The following AGTPBP1 variants were observed in gnomAD, a reference collection of about 807,000 sequenced individuals.
AGTPBP1 encodes cytosolic carboxypeptidase 1.
AGTPBP1 carries 70 observed loss-of-function variants against 143.9 expected under a neutral mutation model. The ratio of observed to expected loss-of-function variants is 0.49; its 90% confidence interval spans 0.40 to 0.59. The LOEUF (loss-of-function observed/expected upper bound fraction) is 0.59, where lower values mean the gene tolerates loss of function less well. Among genes scored for constraint, AGTPBP1 ranks in the 20% least tolerant of loss-of-function variants. AGTPBP1 has a pLI of 0.00. For synonymous variants in AGTPBP1, 463 were observed against 500.2 expected (o/e 0.93, Z 0.99); for missense variants, 1,229 against 1,464.5 (o/e 0.84, Z 2.62).
chr9:85,560,783 G>A lies in AGTPBP1; in HGVS notation c.3504-13497C>T, dbSNP rs1236943869. Among the ~76,000 whole-genome samples the A allele has an allele frequency of 2.0e-5, 3 of 152,136 alleles. No individual in the cohort carries two copies. The East Asian group carries it at 5.8e-4, about 29-fold the overall frequency. ...GGTTAGAAAAAACATCCAGAAGAAAGCACAGAGAGACAAAAGGATAGAAAT... is the reference window on the plus strand; with the variant it reads ...GGTTAGAAAAAACATCCAGAAGAAAACACAGAGAGACAAAAGGATAGAAAT... On this transcript the variant is annotated intron_variant, in intron 25 of 25. Coordinates refer to ENST00000357081, the MANE Select transcript of AGTPBP1 (RefSeq NM_001330701.2).
the AGTPBP1 span, among the ~76,000 whole-genome samples, chr9:85,762,927 C>G: frequency 6.6e-6 from 1 of 150,594 alleles, no homozygotes; most frequent in African/African-American, 2.4e-5. Context: ...CAAAACATAT[C>G]ACTGTGAAGG....
chr9:85,615,235 T>C (rs952089607), intron 17 of AGTPBP1, among the ~76,000 whole-genome samples: 1 of 152,076 alleles, frequency 6.6e-6, no homozygotes, highest in Non-Finnish European at 1.5e-5. Flanking sequence ...GCTGAACTAA[T>C]TTAATACTTC....
the AGTPBP1 span, among the ~76,000 whole-genome samples, chr9:85,763,839 C>T: frequency 6.6e-6 from 1 of 152,050 alleles, no homozygotes; most frequent in Non-Finnish European, 1.5e-5. Flanking sequence ...AAATTATAAA[C>T]CTTATGATAG....
At chr9:85,721,699 T>G (rs907361716) in intron 1 of AGTPBP1, among the ~76,000 whole-genome samples, 1 of 152,212 alleles carries the variant, frequency 6.6e-6, no homozygotes, top group Non-Finnish European at 1.5e-5. Context: ...ATGTGTGAAT[T>G]TAATCCTGTC....
chr9:85,740,467 C>G (rs552473815), intron 1 of AGTPBP1, among the ~76,000 whole-genome samples: 3 of 152,322 alleles, frequency 2.0e-5, no homozygotes, highest in Admixed American at 2.0e-4. Context: ...ATAGGAAATA[C>G]AGATCTTTCA....
At chr9:85,789,785 T>C in the AGTPBP1 span, among the ~76,000 whole-genome samples, 1 of 152,168 alleles carries the variant, frequency 6.6e-6, no homozygotes, top group Non-Finnish European at 1.5e-5. Flanking sequence ...GGAATGCTTA[T>C]TTGAGACTAA....
chr9:85,794,535 G>A, the AGTPBP1 span, among the ~76,000 whole-genome samples: 2 of 152,186 alleles, frequency 1.3e-5, no homozygotes, highest in Non-Finnish European at 2.9e-5. Flanking sequence ...ATGACAGACT[G>A]TACCACACTG....
rs1174621491 is a variant in AGTPBP1 at position 85,589,547 on chromosome 9, A to G, written c.2703T>C (p.Tyr901=). Residue 901 remains tyrosine, a synonymous_variant, in exon 20 of 26, where the codon TAT becomes TAC. Coordinates refer to ENST00000357081, the MANE Select transcript of AGTPBP1 (RefSeq NM_001330701.2). ...TITAMPESNY[Y]EHICHFRNRP... ...ACTTACTGAAATGGCAGATATGTTC[A>G]TAATAATTAGACTCTGGCATTGCTG... is the stretch of plus-strand genomic sequence containing the variant. The G allele has an allele frequency of 1.9e-6, 3 of 1,609,092 alleles. No individual in the cohort carries two copies. The highest frequency in any genetic ancestry group is 2.5e-6 in the Non-Finnish European group (3 of 1,178,428).
At chr9:85,641,504 T>C (rs1455696854) in intron 13 of AGTPBP1, among the ~76,000 whole-genome samples, 2 of 152,070 alleles carry the variant, frequency 1.3e-5, no homozygotes, top group Non-Finnish European at 2.9e-5. Context: ...GCCTTCCTTC[T>C]ATTACCCCGA....
chr9:85,592,414 CAATT>C, intron 19 of AGTPBP1, 142 bp downstream of exon 19: 1 of 525,426 alleles, frequency 1.9e-6, no homozygotes, highest in Non-Finnish European at 3.1e-6. Context: ...TAACTAAACT[CAATT>C]AGTATAATTA....
chr9:85,561,526 A>T (rs967818873), intron 25 of AGTPBP1, among the ~76,000 whole-genome samples: 2 of 152,130 alleles, frequency 1.3e-5, no homozygotes, highest in Non-Finnish European at 2.9e-5. Context: ...TGTCACCTAG[A>T]TTCTCCAGCC....
At chr9:85,705,207 C>G (rs534561598) in intron 2 of AGTPBP1, among the ~76,000 whole-genome samples, 3 of 143,784 alleles carry the variant, frequency 2.1e-5, no homozygotes, top group Non-Finnish European at 4.5e-5. Context: ...ACTAAAGGCA[C>G]AAGAAACATT....
At chr9:85,791,054 T>A in the AGTPBP1 span, among the ~76,000 whole-genome samples, 1 of 152,184 alleles carries the variant, frequency 6.6e-6, no homozygotes, top group Non-Finnish European at 1.5e-5. Flanking sequence ...AAGGTATAAT[T>A]TTTCAAGTCC....
chr9:85,580,899 T>C (rs760806039), intron 23 of AGTPBP1, among the ~76,000 whole-genome samples: 2 of 152,334 alleles, frequency 1.3e-5, no homozygotes, highest in African/African-American at 4.8e-5. Context: ...AAAGTTGCTA[T>C]GTAGTGTTTA....
At chr9:85,720,465 T>C (rs1838029762) in intron 1 of AGTPBP1, among the ~76,000 whole-genome samples, 4 of 152,238 alleles carry the variant, frequency 2.6e-5, no homozygotes, top group Admixed American at 2.6e-4. Flanking sequence ...ATTTATAGTA[T>C]TCTCTGATGG....
intron 17 of AGTPBP1, among the ~76,000 whole-genome samples, chr9:85,610,763 T>C (rs1392435407): frequency 1.3e-5 from 2 of 152,218 alleles, no homozygotes; most frequent in African/African-American, 4.8e-5. Context: ...GCACATACTT[T>C]CTTTGGTCAT....
intron 20 of AGTPBP1, 37 bp downstream of exon 20, chr9:85,589,491 G>A: frequency 6.4e-7 from 1 of 1,570,870 alleles, no homozygotes; most frequent in Non-Finnish European, 8.6e-7. Context: ...AAGTAGGTGA[G>A]AATGACTGCT....
intron 13 of AGTPBP1, among the ~76,000 whole-genome samples, chr9:85,642,133 A>T (rs1832516244): frequency 6.6e-6 from 1 of 152,180 alleles, no homozygotes; most frequent in Non-Finnish European, 1.5e-5. Flanking sequence ...AATCTTAGAG[A>T]TTATCTAATT....
intron 25 of AGTPBP1, among the ~76,000 whole-genome samples, chr9:85,561,284 C>A (rs1826697833): frequency 6.6e-6 from 1 of 151,570 alleles, no homozygotes; most frequent in Non-Finnish European, 1.5e-5. Context: ...ATCGCTTGAA[C>A]CTGGGAGGCA....
Sources: allele counts gnomAD v4.1 joint callset (sites outside exome capture counted in the v4.1 genomes callset), GRCh38; gene constraint gnomAD v4.1.1; transcripts MANE v1.5; gene names NCBI Gene and HGNC (gene_info 2026-07-23, HGNC 2026-07-21).